The following COPB1 variants were observed in gnomAD, a reference collection of about 807,000 sequenced individuals.
COPB1 encodes coatomer subunit beta.
In COPB1, 21 loss-of-function variants were observed where a neutral mutation model predicts 108.7. The ratio of observed to expected loss-of-function variants is 0.19; its 90% CI spans 0.14 to 0.28. The LOEUF is 0.28. Among genes scored for constraint, COPB1 ranks in the 10% least tolerant of loss-of-function variants. COPB1 has a pLI of 1.00. For synonymous variants in COPB1, 378 were observed against 386.8 expected (o/e 0.98, Z 0.27); for missense variants, 919 against 1,141.3 (o/e 0.81, Z 2.81).
chr11:14,462,948 T>C (rs1252479062), intron 18 of COPB1, among the ~76,000 whole-genome samples: 1 of 152,172 alleles, frequency 6.6e-6, no homozygotes. Context: ...ACACTCAGAA[T>C]AGTCTACACT....
At chr11:14,494,978 G>A (rs536106169) in intron 2 of COPB1, among the ~76,000 whole-genome samples, 59 of 152,278 alleles carry the variant, frequency 3.9e-4, no homozygotes, top group Non-Finnish European at 7.4e-4. Flanking sequence ...TAGTTCTGCA[G>A]GCAGGCTGTA....
intron 18 of COPB1, 100 bp from the exon 19 acceptor site, chr11:14,461,431 A>C: frequency 8.3e-7 from 1 of 1,202,632 alleles, no homozygotes; most frequent in Non-Finnish European, 1.2e-6. Context: ...TATTAACAAT[A>C]AGATTGTTTA....
At chr11:14,470,136 T>C in intron 14 of COPB1, among the ~76,000 whole-genome samples, 1 of 152,230 alleles carries the variant, frequency 6.6e-6, no homozygotes, top group South Asian at 2.1e-4. Context: ...TAAAATGTTT[T>C]TGTTTTATTT....
rs1344688704 is a variant in COPB1, at chr11:14,490,172, G to A, written c.606+393C>T. On this transcript the variant is annotated intron_variant, in intron 5 of 21. Transcript: ENST00000439561. The stretch of plus-strand genomic sequence containing the variant: ...TGTATGAAAGTTGAAGAACCTAAAA[G>A]GATACACCTCTACACTGAAGGCCAC... Among the ~76,000 whole-genome samples, 3 of 152,138 alleles carry A rather than the reference G, an allele frequency of 2.0e-5. No individual in the cohort carries two copies. In the East Asian group the frequency reaches 5.8e-4, roughly 29 times the overall value.
chr11:14,489,013 A>G (rs1422281601), intron 5 of COPB1, among the ~76,000 whole-genome samples: 1 of 152,200 alleles, frequency 6.6e-6, no homozygotes, highest in Non-Finnish European at 1.5e-5. Flanking sequence ...AGTATCAATA[A>G]ATTTTATTGG....
chr11:14,490,925 G>A (rs969869206), intron 4 of COPB1, among the ~76,000 whole-genome samples: 2 of 151,866 alleles, frequency 1.3e-5, no homozygotes, highest in African/African-American at 4.8e-5. Flanking sequence ...GAGTAGCTGC[G>A]ATTATAGGTG....
At chr11:14,481,585 G>A (rs1394837006) in intron 8 of COPB1, among the ~76,000 whole-genome samples, 2 of 152,168 alleles carry the variant, frequency 1.3e-5, no homozygotes, top group East Asian at 3.8e-4. Flanking sequence ...GGATAACTGG[G>A]AAAATCTACA....
intron 11 of COPB1, chr11:14,478,787 A>G (rs1461816438): frequency 6.6e-6 from 1 of 152,042 alleles, no homozygotes; most frequent in Admixed American, 6.6e-5. Context: ...AACTGAATAA[A>G]GTCCTTAGTC....
Position 14,480,944 on chromosome 11 carries a change from T to C in COPB1, c.1066-39A>G, listed in dbSNP as rs369967544. 8 of 1,613,010 alleles carry C rather than the reference T, an allele frequency of 5.0e-6. 1 individual carries two copies. The East Asian group carries it at 1.8e-4, about 36-fold the overall frequency. ...GTAAAAATAAGTGAGAGTTACATCA[T>C]ATTTGGGCCTGATAGCTACAAAGTG... On this transcript the variant is annotated intron_variant, in intron 9 of 21. Coordinates refer to ENST00000439561, the MANE Select transcript of COPB1 (RefSeq NM_001144061.2).
intron 2 of COPB1, among the ~76,000 whole-genome samples, chr11:14,497,490 A>G (rs986970627): frequency 1.3e-5 from 2 of 152,212 alleles, no homozygotes; most frequent in Admixed American, 6.5e-5. Context: ...CTACAATGAG[A>G]TATCATCTCA....
rs145738129 is a variant in COPB1, at chr11:14,492,796, C to T, written c.491+846G>A. Among the ~76,000 whole-genome samples, 159 of 152,280 alleles carry T rather than the reference C, an allele frequency of 1.0e-3. 1 individual carries two copies. The highest frequency in any genetic ancestry group is 4.4e-3 in the East Asian group (23 of 5,194). On this transcript the variant is annotated intron_variant, in intron 4 of 21. Coordinates refer to ENST00000439561, the MANE Select transcript of COPB1 (RefSeq NM_001144061.2). ...GTCCTTAATAAATTGATACCTGTGA[C>T]TGTAAAAACTGAGCATTCTAGCTTC...
intron 14 of COPB1, among the ~76,000 whole-genome samples, chr11:14,471,996 G>A (rs991888567): frequency 2.0e-5 from 3 of 152,290 alleles, no homozygotes; most frequent in Non-Finnish European, 4.4e-5. Flanking sequence ...GAGTGAAAGT[G>A]TTTCAATTTA....
chr11:14,480,633 G>C (rs1438010937), intron 10 of COPB1, 126 bp downstream of exon 10: 9 of 846,748 alleles, frequency 1.1e-5, no homozygotes, highest in Non-Finnish European at 1.6e-5. Context: ...TAGATATAAA[G>C]ATCACTTCTC....
rs548591858 is a variant in COPB1, at chr11:14,483,903, T to C, written c.838-752A>G. Among the ~76,000 whole-genome samples the C allele has an allele frequency of 2.0e-5, 3 of 152,270 alleles. No individual in the cohort carries two copies. The East Asian group carries it at 5.8e-4, about 29-fold the overall frequency. On this transcript the variant is annotated intron_variant, in intron 7 of 21. Transcript: ENST00000439561. ...AACATATTTGCATAGTTTCAAAGTA[T>C]CTCCCCCTACAACATGTACTGATTA...
At chr11:14,469,228 C>T (rs924777198) in intron 15 of COPB1, 108 bp downstream of exon 15, 4 of 897,298 alleles carry the variant, frequency 4.5e-6, no homozygotes, top group Non-Finnish European at 7.2e-6. Flanking sequence ...AACACCTGGC[C>T]CCAAGGAGTC....
rs139793495 is a variant in COPB1 at position 14,495,480 on chromosome 11, T to C, written c.92-1041A>G. ...ATGAAACAGAGTTCTGAGCGTCAGA[T>C]GCGGTGGTTCATCTGGCCCACAGAA... On this transcript the variant is annotated intron_variant, in intron 2 of 21. Coordinates refer to ENST00000439561, the MANE Select transcript of COPB1 (RefSeq NM_001144061.2). Among the ~76,000 whole-genome samples the C allele has an allele frequency of 1.4e-3, 220 of 152,314 alleles. 1 individual carries two copies. The highest frequency in any genetic ancestry group is 5.0e-3 in the African/African-American group (209 of 41,562).
intron 8 of COPB1, 132 bp downstream of exon 8, chr11:14,482,900 C>A: frequency 1.4e-6 from 1 of 732,152 alleles, no homozygotes; most frequent in East Asian, 2.7e-5. Flanking sequence ...CAATAGTTAA[C>A]ACTTTAGCTG....
At chr11:14,464,750 C>T (rs1219357871) in intron 18 of COPB1, among the ~76,000 whole-genome samples, 161 bp downstream of exon 18, 1 of 152,092 alleles carries the variant, frequency 6.6e-6, no homozygotes, top group Non-Finnish European at 1.5e-5. Flanking sequence ...CATTTCTGTA[C>T]ATCCAGAACA....
Position 14,457,646 on chromosome 11 carries a change from G to C in COPB1, c.*178C>G. On this transcript the variant is annotated 3_prime_UTR_variant, in exon 22 of 22. Transcript: ENST00000439561. ...AGCATTCAGAACTGTTAAGACAAAA[G>C]ACAAACTATAATTTTAAACTCAATC... 1.8e-6 allele frequency: 1 copy of C among 563,114 alleles called. No homozygotes were observed. The highest frequency in any genetic ancestry group is 2.1e-5 in the South Asian group (1 of 48,748). 34.9% of individuals were successfully genotyped at this position (563,114 alleles called of 1,614,324 possible).
Sources: gnomAD v4.1 joint callset for allele counts (sites outside exome capture counted in the v4.1 genomes callset) on GRCh38, gnomAD v4.1.1 for gene constraint, MANE v1.5 for transcripts, NCBI Gene and HGNC (gene_info 2026-07-23, HGNC 2026-07-21) for gene names.